The following HNRNPC variants were observed in gnomAD, a reference collection of about 807,000 sequenced individuals.
HNRNPC encodes the protein heterogeneous nuclear ribonucleoproteins C1/C2.
In HNRNPC, 3 loss-of-function variants were observed where a neutral mutation model predicts 33.2. The ratio of observed to expected loss-of-function variants is 0.09; its 90% CI spans 0.04 to 0.23. The LOEUF (loss-of-function observed/expected upper bound fraction) is 0.23, where lower values mean the gene tolerates loss of function less well. Among genes scored for constraint, HNRNPC ranks in the 10% least tolerant of loss-of-function variants. HNRNPC has a pLI of 1.00. For synonymous variants in HNRNPC, 121 were observed against 126.7 expected (o/e 0.96, Z 0.30); for missense variants, 143 against 366.7 (o/e 0.39, Z 4.98).
intron 2 of HNRNPC, among the ~76,000 whole-genome samples, chr14:21,239,261 T>C (rs1895071821): frequency 6.6e-6 from 1 of 151,764 alleles, no homozygotes; most frequent in Non-Finnish European, 1.5e-5. Context: ...AGGTGGATCA[T>C]GAGGTCAGAA....
chr14:21,219,345 TG>T (rs1892578761), intron 5 of HNRNPC, among the ~76,000 whole-genome samples: 1 of 152,182 alleles, frequency 6.6e-6, no homozygotes, highest in Non-Finnish European at 1.5e-5. Context: ...TCAAATCTGA[TG>T]TAGGAATTAT....
intron 5 of HNRNPC, among the ~76,000 whole-genome samples, chr14:21,217,804 A>C (rs17102606): frequency 0.016 from 2,449 of 152,330 alleles, 32 homozygotes; most frequent in Middle Eastern, 0.078. Context: ...AAGAGGAATA[A>C]AATTTGACAT....
At chr14:21,225,168 C>A (rs542528740) in intron 5 of HNRNPC, among the ~76,000 whole-genome samples, 8 of 152,094 alleles carry the variant, frequency 5.3e-5, no homozygotes, top group African/African-American at 1.7e-4. Context: ...CATCTGTAAT[C>A]CCAGCACTTT....
At chr14:21,225,113 A>G (rs1005529292) in intron 5 of HNRNPC, among the ~76,000 whole-genome samples, 10 of 152,078 alleles carry the variant, frequency 6.6e-5, no homozygotes, top group African/African-American at 2.4e-4. Context: ...CGTGTTGCCC[A>G]AAGTTCTCCA....
intron 2 of HNRNPC, among the ~76,000 whole-genome samples, chr14:21,248,793 A>C (rs1896286674): frequency 6.6e-6 from 1 of 152,256 alleles, no homozygotes; most frequent in Non-Finnish European, 1.5e-5. Context: ...CATTTCCAGA[A>C]AACGGGATCA....
chr14:21,254,438 G>C (rs1206694891), intron 2 of HNRNPC: 1 of 152,070 alleles, frequency 6.6e-6, no homozygotes, highest in Non-Finnish European at 1.5e-5. Flanking sequence ...GCCCCAAAAA[G>C]CCTGGAAGAA....
chr14:21,225,051 T>C (rs1484198523), intron 5 of HNRNPC, among the ~76,000 whole-genome samples: 1 of 152,170 alleles, frequency 6.6e-6, no homozygotes, highest in Admixed American at 6.5e-5. Flanking sequence ...AAGTCTCCGC[T>C]GTCATAATAA....
chr14:21,250,001 A>G (rs985704109), intron 2 of HNRNPC, among the ~76,000 whole-genome samples: 4 of 152,212 alleles, frequency 2.6e-5, no homozygotes, highest in East Asian at 1.9e-4. Flanking sequence ...AATAAAACAC[A>G]GGAAGGTCTT....
At chr14:21,212,053 T>G (rs1241695147) in intron 6 of HNRNPC, 130 bp from the exon 7 acceptor site, 1 of 700,172 alleles carries the variant, frequency 1.4e-6, no homozygotes, top group Non-Finnish European at 2.5e-6. Flanking sequence ...AGTACAGATT[T>G]CTCGGTAATA....
chr14:21,245,546 C>A (rs1895888634), intron 2 of HNRNPC, among the ~76,000 whole-genome samples: 1 of 151,634 alleles, frequency 6.6e-6, no homozygotes, highest in Non-Finnish European at 1.5e-5. Flanking sequence ...AAAGCACTTA[C>A]CATGAATGGA....
chr14:21,249,049 T>C (rs953199517), intron 2 of HNRNPC, among the ~76,000 whole-genome samples: 1 of 152,224 alleles, frequency 6.6e-6, no homozygotes, highest in Non-Finnish European at 1.5e-5. Flanking sequence ...CATACCAAGG[T>C]GACATCTAAG....
At chr14:21,211,729 C>T in intron 7 of HNRNPC, 81 bp downstream of exon 7, 1 of 1,436,544 alleles carries the variant, frequency 7.0e-7, no homozygotes. Flanking sequence ...GCTTTATATT[C>T]CACTATTCCA....
At chr14:21,216,577 C>T (rs1050550843) in intron 5 of HNRNPC, among the ~76,000 whole-genome samples, 3 of 152,052 alleles carry the variant, frequency 2.0e-5, no homozygotes, top group Non-Finnish European at 4.4e-5. Context: ...GGTGTGGTGG[C>T]ACATTCCTAT....
chr14:21,253,566 T>C (rs964498085), intron 2 of HNRNPC, among the ~76,000 whole-genome samples: 8 of 151,796 alleles, frequency 5.3e-5, no homozygotes, highest in Non-Finnish European at 8.8e-5. Context: ...ATAGACAACA[T>C]TGTATCAATG....
chr14:21,211,362 GC>G (rs758366849), intron 8 of HNRNPC, 43 bp downstream of exon 8: 2 of 1,602,862 alleles, frequency 1.2e-6, no homozygotes, highest in African/African-American at 1.4e-5. Flanking sequence ...GTGTCCCTGA[GC>G]CCCCCTCCAC....
chr14:21,230,190 T>C (rs1393425226), intron 5 of HNRNPC, 129 bp downstream of exon 5: 1 of 547,318 alleles, frequency 1.8e-6, no homozygotes, highest in Non-Finnish European at 3.3e-6. Context: ...TAGAAAAAGG[T>C]GTTTTTTTGT....
At chr14:21,257,454 T>C (rs978520583) in intron 2 of HNRNPC, among the ~76,000 whole-genome samples, 7 of 151,580 alleles carry the variant, frequency 4.6e-5, no homozygotes, top group African/African-American at 1.7e-4. Flanking sequence ...GAGATGAGGA[T>C]TGAAAAAGGA....
At chr14:21,222,742 A>T (rs1365020025) in intron 5 of HNRNPC, among the ~76,000 whole-genome samples, 1 of 151,938 alleles carries the variant, frequency 6.6e-6, no homozygotes, top group Non-Finnish European at 1.5e-5. Flanking sequence ...AATAACAAAA[A>T]AATTAGCCGG....
chr14:21,211,463 A>G lies in HNRNPC; in HGVS notation c.741T>C (p.Ser247=). ...CATCCAGTAGGTCCCCCTCCTCAGCAGAGTCATCTGCACCCCCCTCAGACT... is the reference window on the plus strand; with the variant it reads ...CATCCAGTAGGTCCCCCTCCTCAGCGGAGTCATCTGCACCCCCCTCAGACT... The part of the protein sequence containing the change: ...KMESEGGADD[S]AEEGDLLDDD... Residue 247 remains serine (S), a synonymous_variant, in exon 8 of 9, where the codon TCT becomes TCC. Transcript: ENST00000553300. 1 of 1,601,374 alleles carries G rather than the reference A, an allele frequency of 6.2e-7. No homozygotes were observed. The highest frequency in any genetic ancestry group is 8.5e-7 in the Non-Finnish European group (1 of 1,176,780).
Sources: allele counts gnomAD v4.1 joint callset (sites outside exome capture counted in the v4.1 genomes callset), GRCh38; gene constraint gnomAD v4.1.1; transcripts MANE v1.5; gene names NCBI Gene and HGNC (gene_info 2026-07-23, HGNC 2026-07-21).